The following TEX9 variants were observed in gnomAD, a reference collection of about 807,000 sequenced individuals.
TEX9 encodes the protein testis-expressed protein 9.
TEX9 carries 74 observed loss-of-function variants against 59.6 expected under a neutral mutation model. The ratio of observed to expected loss-of-function variants is 1.24; its 90% CI spans 1.03 to 1.51. The LOEUF (loss-of-function observed/expected upper bound fraction) is 1.51. TEX9 is among the 40% of genes most tolerant of loss of function. The pLI is 0.00. For synonymous variants in TEX9, 186 were observed against 152.2 expected, an observed-to-expected ratio of 1.22 and a Z score of -1.64; for missense variants, 522 against 447.8, an observed-to-expected ratio of 1.17 and a Z score of -1.49.
chr15:56,425,383 A>AGCT lies in TEX9; in HGVS notation c.964-2217_964-2215dup, dbSNP rs368720888. The stretch of plus-strand genomic sequence containing the variant: ...ATTGGCCCACTTGATGGTCTCCCTT[A>AGCT]GCTGCTGTTCACTTTTCTTCATTCT... On this transcript the variant is annotated intron_variant, in intron 10 of 12. Transcript: ENST00000352903. Among the ~76,000 whole-genome samples the AGCT allele has an allele frequency of 3.6e-3, 545 of 152,206 alleles. 3 individuals are homozygous for AGCT. Among genetic ancestry groups the AGCT allele is most frequent in the African/African-American group, 0.012 (517 of 41,546 alleles).
intron 10 of TEX9, among the ~76,000 whole-genome samples, chr15:56,426,246 G>C (rs1323952204): frequency 1.3e-5 from 2 of 152,038 alleles, no homozygotes; most frequent in African/African-American, 2.4e-5. Flanking sequence ...AATGTTGCAA[G>C]CAAGTCTACT....
intron 1 of TEX9, among the ~76,000 whole-genome samples, chr15:56,289,885 G>C (rs1290646351): frequency 6.6e-6 from 1 of 152,222 alleles, no homozygotes; most frequent in Non-Finnish European, 1.5e-5. Flanking sequence ...AAGCAGCCGA[G>C]GAGCCAAGAA....
chr15:56,394,593 T>C (rs2048366689), intron 8 of TEX9, 68 bp from the exon 9 acceptor site: 5 of 1,196,206 alleles, frequency 4.2e-6, no homozygotes, highest in South Asian at 2.9e-5. Flanking sequence ...AAACGTCTTT[T>C]TTTCTGCTTT....
At chr15:56,412,076 C>G (rs1298710325) in intron 9 of TEX9, among the ~76,000 whole-genome samples, 1 of 151,996 alleles carries the variant, frequency 6.6e-6, no homozygotes, top group Non-Finnish European at 1.5e-5. Context: ...AAGCCCGGTT[C>G]ACAACTACAT....
intron 12 of TEX9, among the ~76,000 whole-genome samples, chr15:56,437,038 G>C (rs28831190): frequency 1.6e-3 from 236 of 152,218 alleles, no homozygotes; most frequent in African/African-American, 5.6e-3. Flanking sequence ...GGAGGAGCTG[G>C]TATCATTCCT....
In TEX9 at chr15:56,386,782, T is replaced by A. The variant is rs549794217; in HGVS notation, c.264-1690T>A. On this transcript the variant is annotated intron_variant, in intron 4 of 12. Transcript: ENST00000352903. ...ATGATGCTAACAACAGATGATGATG[T>A]TGTGATGATGACGCTCTGTTTACCT... 3.3e-5 allele frequency among the ~76,000 whole-genome samples: 5 copies of A among 152,018 alleles called. No homozygotes were observed. The South Asian group carries it at 1.0e-3, about 31-fold the overall frequency.
intron 1 of TEX9, among the ~76,000 whole-genome samples, chr15:56,309,427 C>T (rs1302921746): frequency 2.6e-5 from 4 of 152,024 alleles, no homozygotes; most frequent in African/African-American, 9.7e-5. Flanking sequence ...GTGTAAAACA[C>T]TGGATATTTT....
intron 12 of TEX9, among the ~76,000 whole-genome samples, chr15:56,432,195 T>C (rs1213264606): frequency 2.0e-5 from 3 of 152,188 alleles, no homozygotes; most frequent in African/African-American, 7.2e-5. Context: ...AGAGTCTACT[T>C]TGGGCTAATG....
At chr15:56,257,700 A>G (rs1364349228) in intron 1 of TEX9, among the ~76,000 whole-genome samples, 1 of 152,144 alleles carries the variant, frequency 6.6e-6, no homozygotes, top group Non-Finnish European at 1.5e-5. Flanking sequence ...GATCTTTGTT[A>G]GATGCATAGA....
At chr15:56,365,284 G>A (rs986862496), upstream of TEX9, 4 of 853,436 alleles carry the variant, frequency 4.7e-6, no homozygotes, top group Admixed American at 3.0e-5. Flanking sequence ...GGACAGCGCC[G>A]AGTGCTGCGA....
intron 9 of TEX9, among the ~76,000 whole-genome samples, chr15:56,407,057 G>C (rs986329598): frequency 6.6e-6 from 1 of 151,828 alleles, no homozygotes; most frequent in African/African-American, 2.4e-5. Context: ...CTTTTCTCCT[G>C]ATTTCTTCTA....
At chr15:56,435,030 C>T (rs754946253) in intron 12 of TEX9, among the ~76,000 whole-genome samples, 1 of 151,854 alleles carries the variant, frequency 6.6e-6, no homozygotes, top group Non-Finnish European at 1.5e-5. Context: ...TATAATTTTA[C>T]AATGGTCACT....
chr15:56,260,627 A>T (rs1252263573), intron 1 of TEX9, among the ~76,000 whole-genome samples: 1 of 152,024 alleles, frequency 6.6e-6, no homozygotes, highest in Non-Finnish European at 1.5e-5. Context: ...CTTTTTACAT[A>T]TTCTTTGGAT....
intron 1 of TEX9, among the ~76,000 whole-genome samples, chr15:56,337,624 A>G (rs1315946460): frequency 2.0e-5 from 3 of 152,208 alleles, no homozygotes; most frequent in Non-Finnish European, 4.4e-5. Flanking sequence ...CATCTTCATT[A>G]TAGATGAACT....
intron 1 of TEX9, among the ~76,000 whole-genome samples, chr15:56,359,178 C>T (rs2046745485): frequency 6.6e-6 from 1 of 151,990 alleles, no homozygotes; most frequent in African/African-American, 2.4e-5. Flanking sequence ...ATAGGATACC[C>T]CTTTACTAGA....
At chr15:56,373,710 C>G (rs1194435578) in intron 3 of TEX9, among the ~76,000 whole-genome samples, 1 of 152,042 alleles carries the variant, frequency 6.6e-6, no homozygotes, top group African/African-American at 2.4e-5. Context: ...TTTCTAAAAG[C>G]CACTGAAAAA....
the TEX9 span, chr15:56,456,385 C>A: frequency 3.9e-4 from 618 of 1,596,282 alleles, no homozygotes; most frequent in Non-Finnish European, 5.1e-4. Context: ...TTTAGAGAAA[C>A]CAAGATACCT....
At chr15:56,289,979 G>C (rs991111116) in intron 1 of TEX9, among the ~76,000 whole-genome samples, 1 of 152,184 alleles carries the variant, frequency 6.6e-6, no homozygotes, top group Non-Finnish European at 1.5e-5. Flanking sequence ...GCCAGTTCTG[G>C]AGTGTGGCCA....
chr15:56,443,664 C>T (rs1214913775), intron 12 of TEX9: 4 of 1,613,038 alleles, frequency 2.5e-6, no homozygotes, highest in African/African-American at 2.7e-5. Context: ...AGCCTTTTCT[C>T]CTCATTTTCT....
Sources: allele counts gnomAD v4.1 joint callset (sites outside exome capture counted in the v4.1 genomes callset), GRCh38; gene constraint gnomAD v4.1.1; transcripts MANE v1.5; gene names NCBI Gene and HGNC (gene_info 2026-07-23, HGNC 2026-07-21).